Variants in GLCE observed in about 807,000 individuals in gnomAD.
GLCE encodes the protein D-glucuronyl C5-epimerase.
In GLCE, 19 loss-of-function variants were observed where a neutral mutation model predicts 47.9. The observed-to-expected ratio is 0.40, with a 90% confidence interval of 0.28 to 0.58. The LOEUF is 0.58. GLCE is among the 20% of genes least tolerant of loss of function. The probability of loss-of-function intolerance (pLI) is 0.48; values close to 1 mark genes in which losing one functional copy is unlikely to be tolerated. For synonymous variants in GLCE, 245 were observed against 263.4 expected, an observed-to-expected ratio of 0.93 and a Z score of 0.68; for missense variants, 556 against 743.3, an observed-to-expected ratio of 0.75 and a Z score of 2.93.
intron 2 of GLCE, among the ~76,000 whole-genome samples, chr15:69,233,466 A>G (rs2052552466): frequency 1.3e-5 from 2 of 152,248 alleles, no homozygotes; most frequent in African/African-American, 2.4e-5. Context: ...ATAGACATCA[A>G]TAACATACTT....
chr15:69,252,177 G>A (rs932486064), intron 2 of GLCE, among the ~76,000 whole-genome samples: 1 of 152,060 alleles, frequency 6.6e-6, no homozygotes, highest in Non-Finnish European at 1.5e-5. Flanking sequence ...TTTTCCCATC[G>A]TGTGCTTCAA....
At position 69,256,116 on chromosome 15, in the gene GLCE, T is replaced by TA; in HGVS notation, c.311dup (p.Tyr104Ter). The change falls in exon 3 of 5, where the codon TAT becomes TAAT. Residue 104 changes from tyrosine to a stop codon, truncating the protein, a stop_gained and frameshift_variant. Coordinates refer to ENST00000261858, the MANE Select transcript of GLCE (RefSeq NM_015554.3). LOFTEE classifies it high-confidence loss of function. ...GGGAAGTAAGGTGTTAGGGCTCAAA[T>TA]ATGAAGAAATTGACTGTCTCATAAA... The part of the protein sequence containing the change: ...NVGSKVLGLK[Y>*]EEIDCLINDE... The TA allele has an allele frequency of 6.2e-7, 1 of 1,614,082 alleles. No homozygotes were observed. The highest frequency in any genetic ancestry group is 8.5e-7 in the Non-Finnish European group (1 of 1,179,984).
intron 1 of GLCE, among the ~76,000 whole-genome samples, chr15:69,177,454 A>G (rs973597144): frequency 1.3e-5 from 2 of 152,068 alleles, no homozygotes; most frequent in Admixed American, 1.3e-4. Context: ...ACAATATGTT[A>G]TGAGTCCCTT....
intron 3 of GLCE, among the ~76,000 whole-genome samples, chr15:69,258,256 T>C (rs994476774): frequency 2.6e-5 from 4 of 152,184 alleles, no homozygotes; most frequent in African/African-American, 9.7e-5. Flanking sequence ...TATTTGGTTT[T>C]CTGTTCCTGC....
chr15:69,193,170 G>A (rs780336897), intron 1 of GLCE, among the ~76,000 whole-genome samples: 88 of 151,746 alleles, frequency 5.8e-4, no homozygotes, highest in Admixed American at 2.0e-3. Context: ...GTTCTTATGA[G>A]GTTACCTTTC....
rs574872607 is a variant in GLCE at position 69,265,249 on chromosome 15, A to C, written c.830-2971A>C. ...TAGGAGAGGATGGGTCATGGCTTTC[A>C]AACAATAAAAAAAAAACAAAACTTT... On this transcript the variant is annotated intron_variant, in intron 4 of 4. Transcript: ENST00000261858. Among the ~76,000 whole-genome samples, 188 of 152,158 alleles carry C rather than the reference A, an allele frequency of 1.2e-3. 1 individual carries two copies. The highest frequency in any genetic ancestry group is 2.3e-3 in the Non-Finnish European group (154 of 67,978).
chr15:69,261,668 A>C (rs2053017214), intron 4 of GLCE, among the ~76,000 whole-genome samples: 1 of 152,182 alleles, frequency 6.6e-6, no homozygotes, highest in Admixed American at 6.5e-5. Context: ...TTTAATTTTT[A>C]AACTTTTGCA....
intron 1 of GLCE, among the ~76,000 whole-genome samples, chr15:69,182,724 T>C (rs1017055141): frequency 6.6e-6 from 1 of 151,998 alleles, no homozygotes; most frequent in African/African-American, 2.4e-5. Flanking sequence ...TTAAAAATGG[T>C]ATTTCGAGGC....
chr15:69,226,568 A>G (rs2052450544), intron 2 of GLCE, among the ~76,000 whole-genome samples: 1 of 152,172 alleles, frequency 6.6e-6, no homozygotes, highest in Non-Finnish European at 1.5e-5. Flanking sequence ...TCAGTTGCCA[A>G]ATAGGAAAGC....
chr15:69,192,354 A>T, intron 1 of GLCE, among the ~76,000 whole-genome samples: 1 of 148,362 alleles, frequency 6.7e-6, no homozygotes, highest in East Asian at 2.0e-4. Flanking sequence ...AATCTTATAT[A>T]ATAATATTTT....
At chr15:69,213,285 T>C (rs150960734) in intron 2 of GLCE, among the ~76,000 whole-genome samples, 2 of 152,114 alleles carry the variant, frequency 1.3e-5, no homozygotes, top group African/African-American at 4.8e-5. Flanking sequence ...TTTCCACTAA[T>C]GTTCTTTTTC....
At chr15:69,238,651 G>A (rs1486258855) in intron 2 of GLCE, among the ~76,000 whole-genome samples, 1 of 152,120 alleles carries the variant, frequency 6.6e-6, no homozygotes, top group Non-Finnish European at 1.5e-5. Flanking sequence ...ACCTACTTAT[G>A]GAGTGCTGAT....
intron 1 of GLCE, among the ~76,000 whole-genome samples, chr15:69,170,628 A>T (rs533885433): frequency 3.3e-5 from 5 of 152,340 alleles, no homozygotes; most frequent in African/African-American, 1.2e-4. Flanking sequence ...TATGGAAACC[A>T]TTCATTAAAA....
At chr15:69,199,693 C>T (rs1319640790) in intron 1 of GLCE, among the ~76,000 whole-genome samples, 2 of 152,200 alleles carry the variant, frequency 1.3e-5, no homozygotes, top group African/African-American at 2.4e-5. Flanking sequence ...TCCCAGGCCT[C>T]CTGACTCCAT....
intron 2 of GLCE, among the ~76,000 whole-genome samples, chr15:69,226,057 C>T (rs1366528291): frequency 3.0e-5 from 1 of 33,464 alleles, no homozygotes; most frequent in African/African-American, 5.4e-5. Flanking sequence ...GACACACACA[C>T]ACACACACAC....
At chr15:69,202,480 G>A (rs1054245470) in intron 1 of GLCE, among the ~76,000 whole-genome samples, 1 of 152,046 alleles carries the variant, frequency 6.6e-6, no homozygotes, top group African/African-American at 2.4e-5. Context: ...ACTGTGTGCC[G>A]AGTGTGGGTC....
intron 1 of GLCE, among the ~76,000 whole-genome samples, chr15:69,203,438 G>A (rs1168942939): frequency 4.6e-5 from 7 of 152,084 alleles, no homozygotes; most frequent in Non-Finnish European, 7.4e-5. Context: ...TAATAAAACA[G>A]CCTTTGTTTA....
intron 2 of GLCE, among the ~76,000 whole-genome samples, chr15:69,231,286 A>ATTTT (rs67017442): frequency 7.2e-6 from 1 of 139,696 alleles, no homozygotes; most frequent in African/African-American, 2.6e-5. Flanking sequence ...TTGTCCAGTC[A>ATTTT]TTTTTTTTTT....
At chr15:69,251,036 A>C (rs2140432761) in intron 2 of GLCE, among the ~76,000 whole-genome samples, 1 of 152,238 alleles carries the variant, frequency 6.6e-6, no homozygotes, top group African/African-American at 2.4e-5. Flanking sequence ...CTCTTAAAAA[A>C]ACACACACAA....
Sources: gnomAD v4.1 joint callset for allele counts (sites outside exome capture counted in the v4.1 genomes callset) on GRCh38, gnomAD v4.1.1 for gene constraint, MANE v1.5 for transcripts, NCBI Gene and HGNC (gene_info 2026-07-23, HGNC 2026-07-21) for gene names.